The following IMMP1L variants were observed in gnomAD, a reference collection of about 807,000 sequenced individuals.
The protein encoded by IMMP1L is mitochondrial inner membrane protease subunit 1.
IMMP1L carries 24 observed loss-of-function variants against 21.8 expected under a neutral mutation model. The observed-to-expected ratio is 1.10, with a 90% CI of 0.80 to 1.55. The LOEUF is 1.55. IMMP1L is among the 40% of genes most tolerant of loss of function. The pLI, the probability that IMMP1L is intolerant of heterozygous loss-of-function variation, is 0.00. For missense variants in IMMP1L, 195 were observed against 200.7 expected (o/e 0.97, Z 0.17); for synonymous variants, 46 against 62.8 (o/e 0.73, Z 1.26).
intron 1 of IMMP1L, among the ~76,000 whole-genome samples, chr11:31,505,081 T>C (rs2133839224): frequency 6.6e-6 from 1 of 152,296 alleles, no homozygotes; most frequent in East Asian, 1.9e-4. Flanking sequence ...ATGCTTTACC[T>C]GCACAGACAC....
intron 1 of IMMP1L, among the ~76,000 whole-genome samples, chr11:31,502,519 TGGG>T (rs1371167779): frequency 1.3e-5 from 2 of 152,210 alleles, no homozygotes; most frequent in African/African-American, 4.8e-5. Flanking sequence ...CAGGAGCCTG[TGGG>T]ACCCTTCGGG....
Position 31,501,676 on chromosome 11 carries a change from G to C in IMMP1L, c.-30+7843C>G, listed in dbSNP as rs866444727. Among the ~76,000 whole-genome samples the C allele has an allele frequency of 2.0e-5, 3 of 152,098 alleles. No individual in the cohort carries two copies. The South Asian group carries it at 6.2e-4, about 32-fold the overall frequency. On this transcript the variant is annotated intron_variant, in intron 1 of 5. Coordinates refer to ENST00000532287, the MANE Select transcript of IMMP1L (RefSeq NM_001304274.2). ...GGTTTTAGAAATGAAAATAATGGCC[G>C]AGCATGGTGGCTCATGCCTGTAATC... is the stretch of plus-strand genomic sequence containing the variant.
At chr11:31,453,088 A>C (rs963789010) in intron 4 of IMMP1L, 1 of 1,289,508 alleles carries the variant, frequency 7.8e-7, no homozygotes. Context: ...TTAGTTTCCA[A>C]ATACCTAACA....
chr11:31,435,049 T>C (rs1953073704), intron 4 of IMMP1L, among the ~76,000 whole-genome samples: 1 of 152,240 alleles, frequency 6.6e-6, no homozygotes, highest in South Asian at 2.1e-4. Flanking sequence ...TGAACATCTT[T>C]CGTGTCTAAA....
Position 31,509,543 on chromosome 11 carries a change from A to G in IMMP1L, c.-54T>C. ...CCTCGGGCCCCAAAGAACCCTGGAG[A>G]CCCTCAACCAGGACACAGGTGGGCC... On this transcript the variant is annotated 5_prime_UTR_variant, in exon 1 of 6. Coordinates refer to ENST00000532287, the MANE Select transcript of IMMP1L (RefSeq NM_001304274.2). 1 of 563,820 alleles carries G rather than the reference A, an allele frequency of 1.8e-6. No homozygotes were observed. Among genetic ancestry groups the G allele is most frequent in the Non-Finnish European group, 3.2e-6 (1 of 314,234 alleles). 34.9% of individuals were successfully genotyped at this position (563,820 alleles called of 1,614,324 possible).
At chr11:31,460,845 T>G (rs183886081) in intron 2 of IMMP1L, 131 bp from the exon 3 acceptor site, 1 of 688,716 alleles carries the variant, frequency 1.5e-6, no homozygotes, top group Non-Finnish European at 2.5e-6. Context: ...TCATGAAAAT[T>G]TGGCAGTTCT....
intron 4 of IMMP1L, among the ~76,000 whole-genome samples, chr11:31,447,551 T>A (rs982065028): frequency 6.6e-6 from 1 of 152,252 alleles, no homozygotes; most frequent in Non-Finnish European, 1.5e-5. Flanking sequence ...CCTATAATTG[T>A]AAGTACTTTG....
At chr11:31,501,330 A>C (rs1274710598) in intron 1 of IMMP1L, among the ~76,000 whole-genome samples, 1 of 152,198 alleles carries the variant, frequency 6.6e-6, no homozygotes, top group Non-Finnish European at 1.5e-5. Flanking sequence ...GTGAGGCTAA[A>C]TGGGAGGTGT....
intron 4 of IMMP1L, among the ~76,000 whole-genome samples, chr11:31,438,266 A>T (rs571050431): frequency 6.6e-6 from 1 of 152,298 alleles, no homozygotes; most frequent in East Asian, 1.9e-4. Context: ...CAGGTTAAGG[A>T]TATTAAATTG....
chr11:31,434,897 T>C (rs894215955), intron 4 of IMMP1L, among the ~76,000 whole-genome samples: 4 of 152,128 alleles, frequency 2.6e-5, no homozygotes, highest in Non-Finnish European at 2.9e-5. Context: ...TCTAATAAAA[T>C]AGACATATGT....
intron 1 of IMMP1L, among the ~76,000 whole-genome samples, chr11:31,473,233 TAG>T (rs1337878223): frequency 1.3e-5 from 2 of 152,108 alleles, no homozygotes; most frequent in Non-Finnish European, 2.9e-5. Flanking sequence ...GTATTTTTAG[TAG>T]AGACGGGATT....
At chr11:31,439,019 T>C (rs1953222596) in intron 4 of IMMP1L, among the ~76,000 whole-genome samples, 1 of 149,362 alleles carries the variant, frequency 6.7e-6, no homozygotes, top group Non-Finnish European at 1.5e-5. Context: ...CTGTTTTTTA[T>C]AATAGATCAG....
At chr11:31,457,463 A>G (rs1297264714) in intron 3 of IMMP1L, among the ~76,000 whole-genome samples, 1 of 152,248 alleles carries the variant, frequency 6.6e-6, no homozygotes, top group Non-Finnish European at 1.5e-5. Flanking sequence ...AGGATTTAAC[A>G]TATTTGCTTA....
chr11:31,447,144 G>A (rs1248970172), intron 4 of IMMP1L, among the ~76,000 whole-genome samples: 1 of 152,160 alleles, frequency 6.6e-6, no homozygotes, highest in Non-Finnish European at 1.5e-5. Context: ...AGTGTCTGTG[G>A]AATTAATGAA....
intron 4 of IMMP1L, among the ~76,000 whole-genome samples, chr11:31,435,848 G>A (rs1953100442): frequency 6.6e-6 from 1 of 152,052 alleles, no homozygotes; most frequent in Non-Finnish European, 1.5e-5. Context: ...TTCTTAGAAA[G>A]GTCTCATGGT....
At chr11:31,472,022 G>A (rs1954569626) in intron 1 of IMMP1L, among the ~76,000 whole-genome samples, 1 of 151,808 alleles carries the variant, frequency 6.6e-6, no homozygotes, top group Admixed American at 6.6e-5. Flanking sequence ...AATCTCCCTG[G>A]CCATTATTCC....
intron 1 of IMMP1L, among the ~76,000 whole-genome samples, chr11:31,492,323 C>T (rs1955283219): frequency 6.6e-6 from 1 of 152,146 alleles, no homozygotes; most frequent in African/African-American, 2.4e-5. Context: ...CTGCAGCTTC[C>T]TCACCTCTCT....
At chr11:31,491,420 G>C (rs1214842313) in intron 1 of IMMP1L, among the ~76,000 whole-genome samples, 1 of 152,228 alleles carries the variant, frequency 6.6e-6, no homozygotes, top group African/African-American at 2.4e-5. Context: ...GGAAAGTAAA[G>C]AAATAGCAGT....
rs114379604 is a variant in IMMP1L at position 31,438,224 on chromosome 11, A to T, written c.322-4654T>A. 3.6e-3 allele frequency among the ~76,000 whole-genome samples: 544 copies of T among 152,250 alleles called. 7 individuals carry two copies. The highest frequency in any genetic ancestry group is 0.013 in the African/African-American group (522 of 41,544). ...TTCCACAACCTCTCCAGCACTTGGT[A>T]TTATCAGTTTTTAAATGTTTTGCCA... On this transcript the variant is annotated intron_variant, in intron 4 of 5. Coordinates refer to ENST00000532287, the MANE Select transcript of IMMP1L (RefSeq NM_001304274.2).
Sources: gnomAD v4.1 joint callset for allele counts (sites outside exome capture counted in the v4.1 genomes callset) on GRCh38, gnomAD v4.1.1 for gene constraint, MANE v1.5 for transcripts, NCBI Gene and HGNC (gene_info 2026-07-23, HGNC 2026-07-21) for gene names.